The following NME5 variants were observed in gnomAD, a reference collection of about 807,000 sequenced individuals.
NME5 encodes NME/NM23 family member 5, also known as nucleoside diphosphate kinase 5.
NME5 carries 18 observed loss-of-function variants against 21.6 expected under a neutral mutation model. The ratio of observed to expected loss-of-function variants is 0.83; its 90% CI spans 0.58 to 1.24. The LOEUF (loss-of-function observed/expected upper bound fraction) is 1.24, where lower values mean the gene tolerates loss of function less well. Among genes scored for constraint, NME5 ranks in the 50% most tolerant of loss-of-function variants. The probability of loss-of-function intolerance (pLI) is 0.00; values close to 1 mark genes in which losing one functional copy is unlikely to be tolerated. For synonymous variants in NME5, 70 were observed against 80.6 expected (o/e 0.87, Z 0.71); for missense variants, 223 against 255.4 (o/e 0.87, Z 0.86).
chr5:138,128,512 C>T lies in NME5; in HGVS notation c.403G>A (p.Ala135Thr). 1 of 1,613,304 alleles carries T rather than the reference C, an allele frequency of 6.2e-7. No individual in the cohort carries two copies. The highest frequency in any genetic ancestry group is 1.1e-5 in the South Asian group (1 of 90,912). The change falls in exon 4 of 6, where the codon GCG becomes ACG. Residue 135 changes from alanine (A) to threonine (T), a missense_variant. Ala to Thr is a moderately conservative substitution (Grantham distance 58). Coordinates refer to ENST00000265191, the MANE Select transcript of NME5 (RefSeq NM_003551.3). ...ALHGSNDFAA[A>T]EREIRFMFPE... Reference sequence around the variant, plus strand: ...AACATAAAACGTATTTCTCTTTCCGCAGCAGCAAAGTCATTACTCCCATGA... The same window carrying T: ...AACATAAAACGTATTTCTCTTTCCGTAGCAGCAAAGTCATTACTCCCATGA...
intron 4 of NME5, 44 bp downstream of exon 4, chr5:138,128,435 A>G: frequency 7.3e-7 from 1 of 1,371,144 alleles, no homozygotes; most frequent in South Asian, 1.3e-5. Flanking sequence ...GAAAAAGCAA[A>G]CAATAAGGAG....
intron 4 of NME5, among the ~76,000 whole-genome samples, chr5:138,122,233 G>A (rs1751299647): frequency 6.6e-6 from 1 of 151,910 alleles, no homozygotes; most frequent in Admixed American, 6.6e-5. Flanking sequence ...GAAGTCAGGA[G>A]TTTGAGACCA....
At chr5:138,133,177 T>C (rs1367068152) in intron 2 of NME5, among the ~76,000 whole-genome samples, 1 of 151,718 alleles carries the variant, frequency 6.6e-6, no homozygotes, top group Non-Finnish European at 1.5e-5. Context: ...CTCGGCTCAC[T>C]GCGAGCTCCG....
chr5:138,115,463 C>G lies in NME5; in HGVS notation c.*218G>C, dbSNP rs1320575575. 1 of 351,488 alleles carries G rather than the reference C, an allele frequency of 2.8e-6. No homozygotes were observed. The allele number at this position is 351,488 out of a possible 1,614,324, so 21.8% of individuals were successfully genotyped here. ...AACATCTTACATGAGTTTTCCATTA[C>G]CTAGTGTTACATCATTGTTAAAATC... On this transcript the variant is annotated 3_prime_UTR_variant, in exon 6 of 6. Coordinates refer to ENST00000265191, the MANE Select transcript of NME5 (RefSeq NM_003551.3).
intron 2 of NME5, among the ~76,000 whole-genome samples, chr5:138,136,985 G>T (rs1751713286): frequency 6.9e-6 from 1 of 145,040 alleles, no homozygotes. Context: ...ATGGCTCCTA[G>T]ACCTTAAGTC....
At chr5:138,125,699 C>G (rs1751401849) in intron 4 of NME5, among the ~76,000 whole-genome samples, 1 of 152,228 alleles carries the variant, frequency 6.6e-6, no homozygotes. Flanking sequence ...ACTGTAACCT[C>G]TGCCTCCCAG....
At chr5:138,138,840 C>T (rs1056619554) in intron 1 of NME5, 55 bp from the exon 2 acceptor site, 25 of 1,506,386 alleles carry the variant, frequency 1.7e-5, no homozygotes, top group Non-Finnish European at 2.2e-5. Flanking sequence ...CAATGACATG[C>T]ATTTCCCCCC....
At chr5:138,129,854 G>C (rs1353990990) in intron 2 of NME5, among the ~76,000 whole-genome samples, 11 of 152,162 alleles carry the variant, frequency 7.2e-5, no homozygotes, top group Admixed American at 7.2e-4. Flanking sequence ...CTACTCGGGA[G>C]GCTGAGGCAG....
intron 4 of NME5, among the ~76,000 whole-genome samples, chr5:138,120,286 T>C (rs1486404105): frequency 7.3e-6 from 1 of 137,020 alleles, no homozygotes; most frequent in Non-Finnish European, 1.5e-5. Flanking sequence ...CAGGCTGGAG[T>C]GCAGTGCCGC....
chr5:138,115,705 A>G lies in NME5; in HGVS notation c.615T>C (p.His205=). Residue 205 remains histidine, a synonymous_variant, in exon 6 of 6, where the codon CAT becomes CAC. Transcript: ENST00000265191. ...NNPNKPKLCH[H]PIVEEPY is the part of the protein sequence containing the mutation. ...TTTAATAAGGTTCTTCTACAATTGG[A>G]TGGTGACAAAGTTTGGGTTTGTTAG... 3 of 1,580,764 alleles carry G rather than the reference A, an allele frequency of 1.9e-6. No homozygotes were observed. The highest frequency in any genetic ancestry group is 2.3e-5 in the East Asian group (1 of 44,276).
intron 5 of NME5, among the ~76,000 whole-genome samples, 181 bp from the exon 6 acceptor site, chr5:138,115,945 G>A (rs1751148313): frequency 6.6e-6 from 1 of 152,126 alleles, no homozygotes; most frequent in Non-Finnish European, 1.5e-5. Context: ...AAACTGGCAA[G>A]AAAGAAGTAA....
intron 4 of NME5, among the ~76,000 whole-genome samples, chr5:138,123,985 CTTTT>C (rs70979583): frequency 5.1e-4 from 19 of 37,208 alleles, no homozygotes; most frequent in Non-Finnish European, 6.8e-4. Context: ...ATTTTGAGCA[CTTTT>C]TTTTTTTTTT....
chr5:138,125,065 G>A (rs781131940), intron 4 of NME5, among the ~76,000 whole-genome samples: 8 of 151,970 alleles, frequency 5.3e-5, no homozygotes, highest in Non-Finnish European at 1.0e-4. Context: ...TGGGACTACA[G>A]ACATGGGCCA....
chr5:138,126,595 G>C (rs1275832270), intron 4 of NME5, among the ~76,000 whole-genome samples: 1 of 147,808 alleles, frequency 6.8e-6, no homozygotes, highest in Non-Finnish European at 1.5e-5. Flanking sequence ...TGAGTAAGAA[G>C]AGCTTCCAAA....
At chr5:138,126,227 G>T (rs1406605796) in intron 4 of NME5, among the ~76,000 whole-genome samples, 4 of 152,042 alleles carry the variant, frequency 2.6e-5, no homozygotes, top group Non-Finnish European at 4.4e-5. Context: ...CAGTTGGCTG[G>T]GCACAGTGGC....
At chr5:138,120,230 CTTTTT>C (rs59354099) in intron 4 of NME5, among the ~76,000 whole-genome samples, 2 of 87,148 alleles carry the variant, frequency 2.3e-5, no homozygotes, top group African/African-American at 4.6e-5. Context: ...GCTCCCAGCT[CTTTTT>C]TTTTTTTTTT....
chr5:138,132,950 T>G (rs886631812), intron 2 of NME5, among the ~76,000 whole-genome samples: 3 of 151,908 alleles, frequency 2.0e-5, no homozygotes, highest in East Asian at 1.9e-4. Context: ...GTTTTTTTTT[T>G]TTGTTTTTTC....
chr5:138,122,669 A>G (rs1339532478), intron 4 of NME5, among the ~76,000 whole-genome samples: 1 of 86,156 alleles, frequency 1.2e-5, no homozygotes, highest in Non-Finnish European at 2.2e-5. Flanking sequence ...CATTAAACAA[A>G]AATTTTTTTA....
In NME5 at chr5:138,115,655, G is replaced by A. The variant is rs754405582; in HGVS notation, c.*26C>T. On this transcript the variant is annotated 3_prime_UTR_variant, in exon 6 of 6. Transcript: ENST00000265191. ...AGCCTTTTATAATAAGATAGTTCAT[G>A]ATTTGTTCTTTCGAGGATTTTTTTT... 2.5e-5 allele frequency: 36 copies of A among 1,432,198 alleles called. No individual in the cohort carries two copies. Among genetic ancestry groups the A allele is most frequent in the Non-Finnish European group, 3.3e-5 (35 of 1,055,236 alleles). 88.7% of individuals were successfully genotyped at this position (1,432,198 alleles called of 1,614,324 possible). A position where few individuals can be genotyped will look rare whatever the true frequency, so the allele number is the denominator to read the frequency against.
Sources: gnomAD v4.1 joint callset for allele counts (sites outside exome capture counted in the v4.1 genomes callset) on GRCh38, gnomAD v4.1.1 for gene constraint, MANE v1.5 for transcripts, NCBI Gene and HGNC (gene_info 2026-07-23, HGNC 2026-07-21) for gene names.